FREM2: variants seen among roughly 807,000 people sequenced by gnomAD.
The protein encoded by FREM2 is FRAS1 related extracellular matrix 2.
FREM2 carries 119 observed loss-of-function variants against 219.9 expected under a neutral mutation model. The observed-to-expected ratio is 0.54, with a 90% CI of 0.47 to 0.63. The LOEUF (loss-of-function observed/expected upper bound fraction) is 0.63, where lower values mean the gene tolerates loss of function less well. Among genes scored for constraint, FREM2 ranks in the 30% least tolerant of loss-of-function variants. FREM2 has a pLI of 0.00. For missense variants in FREM2, 4,030 were observed against 3,993.6 expected, an observed-to-expected ratio of 1.01 and a Z score of -0.25; for synonymous variants, 1,562 against 1,522.8, an observed-to-expected ratio of 1.03 and a Z score of -0.60.
intron 4 of FREM2, among the ~76,000 whole-genome samples, chr13:38,782,155 A>G (rs915590104): frequency 1.2e-4 from 19 of 152,186 alleles, no homozygotes; most frequent in Non-Finnish European, 2.4e-4. Context: ...GCAGTCTTTT[A>G]TAATTTTTAA....
Position 38,876,331 on chromosome 13 carries a change from C to T in FREM2, c.8493C>T (p.Thr2831=). 6.2e-7 allele frequency: 1 copy of T among 1,614,024 alleles called. No individual in the cohort carries two copies. Among genetic ancestry groups the T allele is most frequent in the Non-Finnish European group, 8.5e-7 (1 of 1,179,952 alleles). Residue 2831 remains threonine (T), a synonymous_variant, in exon 20 of 24, where the codon ACC becomes ACT. Coordinates refer to ENST00000280481, the MANE Select transcript of FREM2 (RefSeq NM_207361.6). ...PSHQEYRLPV[T]CNPREPVTFD... ...ATCAGGAATACCGCCTGCCAGTCAC[C>T]TGCAACCCCAGAGAACCTGTCACCT...
intron 6 of FREM2, among the ~76,000 whole-genome samples, chr13:38,809,930 A>C (rs1408138794): frequency 1.3e-5 from 2 of 152,086 alleles, no homozygotes; most frequent in Non-Finnish European, 2.9e-5. Flanking sequence ...TAGTATGAAC[A>C]TTTAAAAATA....
intron 6 of FREM2, among the ~76,000 whole-genome samples, chr13:38,797,746 GT>G (rs1329132495): frequency 6.6e-6 from 1 of 151,674 alleles, no homozygotes; most frequent in African/African-American, 2.4e-5. Flanking sequence ...GTAGTTCTTA[GT>G]TTTTATAGTT....
At position 38,850,092 on chromosome 13, in the gene FREM2, A is replaced by G; in HGVS notation, c.6434A>G (p.Gln2145Arg). The change falls in exon 9 of 24, where the codon CAG (glutamine) becomes CGG (arginine). Residue 2145 changes from glutamine (Q) to arginine (R), a missense_variant. Physicochemically the swap from Gln to Arg is conservative, Grantham distance 43. Coordinates refer to ENST00000280481, the MANE Select transcript of FREM2 (RefSeq NM_207361.6). The stretch of plus-strand genomic sequence containing the variant: ...TATACTGGCAGCGAAAGTGATGGGC[A>G]GATAGTTACAATGATCCATAGGACT... The part of the protein sequence containing the change: ...RIYTGSESDG[Q>R]IVTMIHRTGD... 4 of 1,614,058 alleles carry G rather than the reference A, an allele frequency of 2.5e-6. No individual in the cohort carries two copies. The highest frequency in any genetic ancestry group is 3.4e-6 in the Non-Finnish European group (4 of 1,179,928).
rs754513923 is a variant in FREM2 at position 38,687,324 on chromosome 13, C to T, written c.-21C>T. On this transcript the variant is annotated 5_prime_UTR_variant, in exon 1 of 24. Coordinates refer to ENST00000280481, the MANE Select transcript of FREM2 (RefSeq NM_207361.6). The stretch of plus-strand genomic sequence containing the variant: ...TTCGCATGCTCTCAGGCTGACCTGT[C>T]CAAGCCCGAACACCGGGACCATGCA... 1 of 1,584,562 alleles carries T rather than the reference C, an allele frequency of 6.3e-7. No homozygotes were observed. The highest frequency in any genetic ancestry group is 1.3e-5 in the African/African-American group (1 of 74,370).
intron 6 of FREM2, among the ~76,000 whole-genome samples, chr13:38,839,102 A>G (rs1876837127): frequency 6.6e-6 from 1 of 151,848 alleles, no homozygotes; most frequent in Admixed American, 6.6e-5. Context: ...GGATTTATCT[A>G]CCTTTGGTCT....
chr13:38,736,527 G>C (rs1375977496), intron 2 of FREM2, among the ~76,000 whole-genome samples: 1 of 152,084 alleles, frequency 6.6e-6, no homozygotes, highest in Non-Finnish European at 1.5e-5. Flanking sequence ...ACAACAAAAT[G>C]TTTCTATTTT....
At chr13:38,727,815 C>T (rs1871592704) in intron 2 of FREM2, among the ~76,000 whole-genome samples, 1 of 152,192 alleles carries the variant, frequency 6.6e-6, no homozygotes, top group African/African-American at 2.4e-5. Context: ...AATATTTCAT[C>T]ATTTTATCAT....
intron 2 of FREM2, among the ~76,000 whole-genome samples, chr13:38,742,232 C>G (rs1481073582): frequency 6.6e-6 from 1 of 152,134 alleles, no homozygotes; most frequent in Non-Finnish European, 1.5e-5. Flanking sequence ...TATGCAACTA[C>G]AAGGGTTGTA....
chr13:38,688,005 C>G lies in FREM2; in HGVS notation c.661C>G (p.Leu221Val). 1 of 1,612,222 alleles carries G rather than the reference C, an allele frequency of 6.2e-7. No homozygotes were observed. Among genetic ancestry groups the G allele is most frequent in the Non-Finnish European group, 8.5e-7 (1 of 1,178,758 alleles). ...PETEECRVGILSGLGALPRYG... is the reference protein window; with the variant it reads ...PETEECRVGIVSGLGALPRYG... ...GACAGAGGAGTGCCGCGTGGGCATC[C>G]TGTCCGGCTTGGGCGCGCTGCCTCG... is the stretch of plus-strand genomic sequence containing the variant. Residue 221 changes from leucine (L) to valine (V), a missense_variant, in exon 1 of 24, where the codon CTG becomes GTG. Leu to Val is a conservative substitution (Grantham distance 32). Transcript: ENST00000280481.
intron 2 of FREM2, among the ~76,000 whole-genome samples, chr13:38,722,534 G>T (rs1442558631): frequency 6.6e-6 from 1 of 151,840 alleles, no homozygotes; most frequent in African/African-American, 2.4e-5. Context: ...TTGAACAGTG[G>T]TTATCAAATT....
intron 1 of FREM2, among the ~76,000 whole-genome samples, chr13:38,694,078 A>G (rs1006039956): frequency 7.9e-5 from 12 of 152,226 alleles, no homozygotes; most frequent in African/African-American, 2.4e-4. Flanking sequence ...TAAAAGGACT[A>G]TTTTGATGAA....
At chr13:38,753,866 T>C (rs1872875410) in intron 2 of FREM2, among the ~76,000 whole-genome samples, 1 of 152,238 alleles carries the variant, frequency 6.6e-6, no homozygotes, top group Non-Finnish European at 1.5e-5. Flanking sequence ...GAAGGAAATA[T>C]GCTTAAACTC....
In FREM2 at chr13:38,707,193, T is replaced by G. The variant is rs181875871; in HGVS notation, c.5263+9406T>G. 4.7e-4 allele frequency among the ~76,000 whole-genome samples: 72 copies of G among 152,316 alleles called. 1 individual carries two copies. Among genetic ancestry groups the G allele is most frequent in the Admixed American group, 3.9e-3 (59 of 15,302 alleles). On this transcript the variant is annotated intron_variant, in intron 2 of 23. Coordinates refer to ENST00000280481, the MANE Select transcript of FREM2 (RefSeq NM_207361.6). ...ATTATGTTAAAGAAACAGTGTACCT[T>G]CAGATGGTTTACACTTAGAATTCTT...
At position 38,687,528 on chromosome 13, in the gene FREM2, G is replaced by T. The variant is rs765534709; in HGVS notation, c.184G>T (p.Gly62Trp). Reference protein sequence around the residue: ...GRALLSPGLAGAAGVPAEEAI... With the variant: ...GRALLSPGLAWAAGVPAEEAI... Reference sequence around the variant, plus strand: ...GGCGTTGCTGTCCCCTGGTCTCGCGGGGGCTGCAGGGGTCCCTGCTGAGGA... The same window carrying T: ...GGCGTTGCTGTCCCCTGGTCTCGCGTGGGCTGCAGGGGTCCCTGCTGAGGA... Residue 62 changes from glycine (G) to tryptophan (W), a missense_variant, in exon 1 of 24, where the codon GGG becomes TGG. Transcript: ENST00000280481. 1.0e-5 allele frequency: 16 copies of T among 1,598,680 alleles called. No homozygotes were observed. The highest frequency in any genetic ancestry group is 1.3e-5 in the Non-Finnish European group (15 of 1,172,816).
chr13:38,796,787 G>T (rs1874806327), intron 6 of FREM2, among the ~76,000 whole-genome samples: 1 of 152,136 alleles, frequency 6.6e-6, no homozygotes, highest in South Asian at 2.1e-4. Flanking sequence ...AATACCTAGT[G>T]CTAGGATTGC....
At chr13:38,805,076 C>T (rs1466159240) in intron 6 of FREM2, among the ~76,000 whole-genome samples, 3 of 151,728 alleles carry the variant, frequency 2.0e-5, no homozygotes, top group African/African-American at 4.8e-5. Context: ...CTTTAAAAAC[C>T]AAGCAAAAGA....
chr13:38,807,225 AT>A (rs1875278196), intron 6 of FREM2, among the ~76,000 whole-genome samples: 2 of 125,236 alleles, frequency 1.6e-5, no homozygotes, highest in Non-Finnish European at 3.4e-5. Flanking sequence ...ATATATATAT[AT>A]ATGTATGGTT....
intron 2 of FREM2, among the ~76,000 whole-genome samples, chr13:38,731,281 A>T (rs7986078): frequency 0.12 from 18,264 of 152,244 alleles, 1,285 homozygotes; most frequent in Middle Eastern, 0.24. Context: ...GAAAATTAAA[A>T]TGACAAAAAC....
Sources: allele counts gnomAD v4.1 joint callset (sites outside exome capture counted in the v4.1 genomes callset), GRCh38; gene constraint gnomAD v4.1.1; transcripts MANE v1.5; gene names NCBI Gene and HGNC (gene_info 2026-07-23, HGNC 2026-07-21).